Variants in SRGAP2B observed in about 807,000 individuals in gnomAD.
The protein encoded by SRGAP2B is SLIT-ROBO Rho GTPase-activating protein 2B.
A neutral mutation model predicts 22.2 loss-of-function variants in SRGAP2B; 9 were observed. The observed-to-expected ratio is 0.41, with a 90% confidence interval of 0.24 to 0.71. The LOEUF (loss-of-function observed/expected upper bound fraction) is 0.71, where lower values mean the gene tolerates loss of function less well. SRGAP2B is among the 30% of genes least tolerant of loss of function. SRGAP2B has a pLI of 0.35. For missense variants in SRGAP2B, 114 were observed against 235.8 expected, an observed-to-expected ratio of 0.48 and a Z score of 3.38; for synonymous variants, 36 against 87.4, an observed-to-expected ratio of 0.41 and a Z score of 3.28.
At chr1:144,991,729 T>TA (rs1558809284) in intron 3 of SRGAP2B, among the ~76,000 whole-genome samples, 1 of 146,986 alleles carries the variant, frequency 6.8e-6, no homozygotes, top group Non-Finnish European at 1.5e-5. Context: ...GGTGGGGCCT[T>TA]AGAGAACCTG....
chr1:144,987,465 C>T (rs1441508687), intron 3 of SRGAP2B, among the ~76,000 whole-genome samples: 1 of 150,050 alleles, frequency 6.7e-6, no homozygotes, highest in East Asian at 1.9e-4. Context: ...TGGCAGTGAG[C>T]CATCTTGGGT....
At chr1:144,934,203 G>A (rs1181468202) in intron 4 of SRGAP2B, among the ~76,000 whole-genome samples, 6 of 150,504 alleles carry the variant, frequency 4.0e-5, no homozygotes, top group Admixed American at 2.6e-4. Flanking sequence ...TCAAGAGTTC[G>A]AGACTAGCCT....
chr1:144,943,281 CA>C (rs1553607747), intron 4 of SRGAP2B, among the ~76,000 whole-genome samples: 1 of 145,830 alleles, frequency 6.9e-6, no homozygotes, highest in Admixed American at 6.9e-5. Context: ...CTGGCTTGGA[CA>C]AACTAGTTGT....
chr1:144,993,518 T>C (rs587770431), intron 3 of SRGAP2B, among the ~76,000 whole-genome samples: 5 of 150,232 alleles, frequency 3.3e-5, no homozygotes, highest in Admixed American at 1.3e-4. Flanking sequence ...CTGGGCAACA[T>C]AGCGAAACCC....
At position 144,965,196 on chromosome 1, in the gene SRGAP2B, A is replaced by G; in HGVS notation, c.261-9595T>C. 5 of 1,044,872 alleles carry G rather than the reference A, an allele frequency of 4.8e-6. No homozygotes were observed. In the South Asian group the frequency reaches 6.4e-5, roughly 13 times the overall value. 64.7% of individuals were successfully genotyped at this position (1,044,872 alleles called of 1,614,324 possible). A position where few individuals can be genotyped will look rare whatever the true frequency, so the allele number is the denominator to read the frequency against. On this transcript the variant is annotated intron_variant, in intron 3 of 9. Transcript: ENST00000612199. ...CCGAATAGGAACAGCTCCGGTCTAC[A>G]GCTCCAGCGTGAGCGACACAGAAGA... is the stretch of plus-strand genomic sequence containing the variant.
At chr1:144,976,703 T>C (rs1668932675) in intron 3 of SRGAP2B, among the ~76,000 whole-genome samples, 1 of 140,870 alleles carries the variant, frequency 7.1e-6, no homozygotes, top group Admixed American at 6.9e-5. Context: ...AGAAGCCAGC[T>C]TGAAGGGACT....
chr1:144,970,780 A>T (rs1437016345), intron 3 of SRGAP2B, among the ~76,000 whole-genome samples: 2 of 149,480 alleles, frequency 1.3e-5, no homozygotes, highest in Admixed American at 6.7e-5. Flanking sequence ...TTTATCTTTT[A>T]AAAAAATAAA....
intron 6 of SRGAP2B, 84 bp downstream of exon 6, chr1:144,905,775 C>T (rs1662944477): frequency 2.8e-6 from 2 of 708,984 alleles, no homozygotes; most frequent in Admixed American, 4.0e-5. Flanking sequence ...GTCTGCTCTT[C>T]CCAGTGACTG....
intron 2 of SRGAP2B, among the ~76,000 whole-genome samples, chr1:144,996,173 C>A (rs1670662743): frequency 1.3e-5 from 2 of 151,160 alleles, no homozygotes; most frequent in Middle Eastern, 3.4e-3. Context: ...AGAGACCTGG[C>A]ACTCATAGGA....
At chr1:144,913,098 T>A (rs1663536596) in intron 5 of SRGAP2B, among the ~76,000 whole-genome samples, 1 of 148,318 alleles carries the variant, frequency 6.7e-6, no homozygotes, top group Non-Finnish European at 1.5e-5. Flanking sequence ...CACTTATTTT[T>A]TTTTTTTTTA....
Position 145,082,151 on chromosome 1 carries a change from A to G in SRGAP2B, c.67+10684T>C, listed in dbSNP as rs368699406. ...CTAAAATATACACCAAAATGGAGGAACATGCCCCAACTGTTTTTCCTTCCT... is the reference window on the plus strand; with the variant it reads ...CTAAAATATACACCAAAATGGAGGAGCATGCCCCAACTGTTTTTCCTTCCT... On this transcript the variant is annotated intron_variant, in intron 2 of 9. Transcript: ENST00000612199. Among the ~76,000 whole-genome samples, 5 of 148,772 alleles carry G rather than the reference A, an allele frequency of 3.4e-5. 1 individual carries two copies. The highest frequency in any genetic ancestry group is 1.3e-4 in the African/African-American group (5 of 38,668).
chr1:144,987,896 T>TC (rs1669866715), intron 3 of SRGAP2B, among the ~76,000 whole-genome samples: 1 of 151,016 alleles, frequency 6.6e-6, no homozygotes, highest in African/African-American at 2.5e-5. Context: ...AGAGGTCTCA[T>TC]CACTGTACTA....
At chr1:144,915,536 G>A in intron 4 of SRGAP2B, among the ~76,000 whole-genome samples, 1 of 150,132 alleles carries the variant, frequency 6.7e-6, no homozygotes, top group Admixed American at 6.6e-5. Context: ...GACCAGCATG[G>A]CCAACATAGT....
intron 3 of SRGAP2B, among the ~76,000 whole-genome samples, chr1:144,971,684 C>T (rs1485338043): frequency 1.3e-5 from 2 of 150,760 alleles, no homozygotes; most frequent in South Asian, 2.1e-4. Context: ...GTAGCTGAGA[C>T]TTTAAACGAA....
At chr1:144,942,476 A>G (rs1330267497) in intron 4 of SRGAP2B, among the ~76,000 whole-genome samples, 3 of 149,896 alleles carry the variant, frequency 2.0e-5, no homozygotes, top group Non-Finnish European at 2.9e-5. Context: ...CTGGAGTGCA[A>G]TGGCACAATC....
At chr1:145,023,002 T>C (rs1268828800) in intron 2 of SRGAP2B, among the ~76,000 whole-genome samples, 6 of 149,572 alleles carry the variant, frequency 4.0e-5, no homozygotes, top group Non-Finnish European at 7.4e-5. Flanking sequence ...CCGTCTCTAC[T>C]AAAAATACAA....
chr1:144,987,067 A>G (rs1669776340), intron 3 of SRGAP2B, among the ~76,000 whole-genome samples: 1 of 151,982 alleles, frequency 6.6e-6, no homozygotes, highest in Non-Finnish European at 1.5e-5. Flanking sequence ...TCTCCCATCC[A>G]TTGAACTTGA....
chr1:144,887,711 AAGG>A (rs1244414511), exon 10 of SRGAP2B: 1 of 28,780 alleles, frequency 3.5e-5, no homozygotes, highest in Non-Finnish European at 5.8e-5. Context: ...GAAAAGTAAA[AAGG>A]AGGAGGAGGG....
intron 4 of SRGAP2B, among the ~76,000 whole-genome samples, chr1:144,924,555 C>T (rs1463201344): frequency 1.3e-5 from 2 of 150,736 alleles, no homozygotes; most frequent in African/African-American, 2.5e-5. Context: ...GGTGAAACCC[C>T]GTCTCTACTA....
Sources: gnomAD v4.1 joint callset for allele counts (sites outside exome capture counted in the v4.1 genomes callset) on GRCh38, gnomAD v4.1.1 for gene constraint, MANE v1.5 for transcripts, NCBI Gene and HGNC (gene_info 2026-07-23, HGNC 2026-07-21) for gene names.